Variants in TEKTIP1 observed in about 807,000 individuals in gnomAD.
The protein encoded by TEKTIP1 is tektin bundle interacting protein 1, also known as tektin bundle-interacting protein 1.
At chr19:3,543,770 C>A in the TEKTIP1 span, 2 of 1,489,596 alleles carry the variant, frequency 1.3e-6, no homozygotes, top group African/African-American at 1.4e-5. Context: ...ATCCAGGAGC[C>A]CCTTGCTGGC....
the TEKTIP1 span, chr19:3,542,905 A>T: frequency 1.4e-6 from 2 of 1,423,848 alleles, no homozygotes; most frequent in Non-Finnish European, 1.9e-6. Flanking sequence ...TGGAGGCTGG[A>T]CAAGGACTGT....
chr19:3,542,990 A>T, the TEKTIP1 span: 1 of 1,584,440 alleles, frequency 6.3e-7, no homozygotes, highest in Non-Finnish European at 8.6e-7. Context: ...GAGAACAGAA[A>T]GGTTTAGTGC....
At chr19:3,540,089 CTTTT>C in the TEKTIP1 span, 9 of 88,200 alleles carry the variant, frequency 1.0e-4, no homozygotes, top group African/African-American at 1.5e-4. Flanking sequence ...CATCTCTTTT[CTTTT>C]TTTTTTTTTT....
chr19:3,543,632 T>C, the TEKTIP1 span: 1 of 1,543,738 alleles, frequency 6.5e-7, no homozygotes, highest in Non-Finnish European at 8.7e-7. Flanking sequence ...CAGCACCCGG[T>C]GGGGGAGCGC....
the TEKTIP1 span, chr19:3,543,206 C>G: frequency 2.6e-6 from 4 of 1,535,072 alleles, no homozygotes; most frequent in Non-Finnish European, 3.5e-6. Flanking sequence ...TAGACATGGG[C>G]TCAGTCTCTG....
chr19:3,542,181 C>T, the TEKTIP1 span: 3 of 985,416 alleles, frequency 3.0e-6, no homozygotes, highest in Non-Finnish European at 3.6e-6. Context: ...GGGTGAGGTT[C>T]TCCTGATCTT....
At chr19:3,540,419 A>G in the TEKTIP1 span, among the ~76,000 whole-genome samples, 6 of 151,684 alleles carry the variant, frequency 4.0e-5, no homozygotes, top group Non-Finnish European at 5.9e-5. Flanking sequence ...TACCATGCCC[A>G]GCTAATTTTT....
At chr19:3,539,415 C>G in the TEKTIP1 span, 2 of 592,942 alleles carry the variant, frequency 3.4e-6, no homozygotes, top group Non-Finnish European at 6.1e-6. Context: ...TCTTCCTGTT[C>G]CCCTCCGGCC....
the TEKTIP1 span, chr19:3,542,666 A>G: frequency 8.7e-7 from 1 of 1,146,068 alleles, no homozygotes. Context: ...TATTTTTAGT[A>G]GAGATGGGGT....
At chr19:3,543,069 C>G in the TEKTIP1 span, 1 of 1,592,130 alleles carries the variant, frequency 6.3e-7, no homozygotes, top group Non-Finnish European at 8.5e-7. Flanking sequence ...AGCACCCACT[C>G]TGGGGTGAGG....
the TEKTIP1 span, chr19:3,543,590 G>A: frequency 2.6e-6 from 4 of 1,543,664 alleles, no homozygotes; most frequent in Non-Finnish European, 3.5e-6. Context: ...CGCCTGGCAT[G>A]ACCCCATCGT....
the TEKTIP1 span, chr19:3,543,813 C>G: frequency 6.6e-7 from 1 of 1,508,328 alleles, no homozygotes; most frequent in Non-Finnish European, 8.9e-7. Flanking sequence ...CATGGTGACC[C>G]GAGTCCCACC....
At chr19:3,543,411 TC>T in the TEKTIP1 span, 1 of 1,547,556 alleles carries the variant, frequency 6.5e-7, no homozygotes, top group Middle Eastern at 1.9e-4. Flanking sequence ...GCCAGCCCCT[TC>T]CGCGAGGCCT....
chr19:3,543,522 C>T, the TEKTIP1 span: 43 of 1,421,372 alleles, frequency 3.0e-5, no homozygotes, highest in Non-Finnish European at 3.9e-5. Context: ...CAGAGGGGGA[C>T]AGGAATGACC....
chr19:3,543,364 CGCCTGGGAA>C, the TEKTIP1 span: 53 of 1,549,232 alleles, frequency 3.4e-5, 1 homozygote, highest in South Asian at 6.0e-5. Flanking sequence ...CCAACTCGGA[CGCCTGGGAA>C]GCCTGGTACA....
At chr19:3,542,940 C>T in the TEKTIP1 span, 234 of 1,485,036 alleles carry the variant, frequency 1.6e-4, no homozygotes, top group Non-Finnish European at 2.1e-4. Context: ...AGCCAGGGCC[C>T]TTGTCCTCTC....
At chr19:3,543,542 CGCCCCACCGCA>C in the TEKTIP1 span, 6 of 1,520,352 alleles carry the variant, frequency 3.9e-6, no homozygotes, top group African/African-American at 8.4e-5. Flanking sequence ...CGCCAGCCCC[CGCCCCACCGCA>C]GCCTACACCC....
At chr19:3,543,487 C>T in the TEKTIP1 span, 8 of 1,519,524 alleles carry the variant, frequency 5.3e-6, no homozygotes, top group East Asian at 2.5e-5. Context: ...AGTGCCCCCC[C>T]CCCCGCCCTG....
chr19:3,542,480 CTTTTTG>C, the TEKTIP1 span: 3 of 984,422 alleles, frequency 3.0e-6, no homozygotes, highest in African/African-American at 5.2e-5. Flanking sequence ...AGTCTCTTGT[CTTTTTG>C]TTTTTGAGAC....
Sources: gnomAD v4.1 joint callset for allele counts (sites outside exome capture counted in the v4.1 genomes callset) on GRCh38, gnomAD v4.1.1 for gene constraint, MANE v1.5 for transcripts, NCBI Gene and HGNC (gene_info 2026-07-23, HGNC 2026-07-21) for gene names.